The following PP2D1 variants were observed in gnomAD, a reference collection of about 807,000 sequenced individuals.
The protein encoded by PP2D1 is protein phosphatase 2C-like domain-containing protein 1.
Under a neutral mutation model 30.2 loss-of-function variants are expected in PP2D1, and 25 were observed. The ratio of observed to expected loss-of-function variants is 0.83; its 90% CI spans 0.60 to 1.16. PP2D1 has a LOEUF of 1.16. Ranked by LOEUF, PP2D1 falls within the 50% of genes most tolerant of loss-of-function variation. PP2D1 has a pLI of 0.00. For synonymous variants in PP2D1, 260 were observed against 258.9 expected, an observed-to-expected ratio of 1.00 and a Z score of -0.04; for missense variants, 760 against 742.4, an observed-to-expected ratio of 1.02 and a Z score of -0.28.
Position 20,001,054 on chromosome 3 carries a change from C to T in PP2D1, c.1066G>A (p.Gly356Arg), listed in dbSNP as rs1559498957. ...CCAGTGTTTGCAACATGTAATATTC[C>T]AGAAATTATTTTTGGCATCTCCTGG... ...PSQEMPKIIS[G>R]ILHVANTGNV... The change falls in exon 2 of 3, where the codon GGA becomes AGA. Residue 356 changes from glycine (G) to arginine (R), a missense_variant. By Grantham distance (125) the Gly-to-Arg change is moderately radical. Around this residue, in one of 3 missense-constraint regions of PP2D1, gnomAD observed 17 missense variants for 37.4 expected, o/e 0.45. Transcript: ENST00000389050. 2 of 1,393,488 alleles carry T rather than the reference C, an allele frequency of 1.4e-6. No homozygotes were observed. Among genetic ancestry groups the T allele is most frequent in the Admixed American group, 3.0e-5 (1 of 33,230 alleles). 86.3% of individuals were successfully genotyped at this position (1,393,488 alleles called of 1,614,324 possible).
Position 20,001,809 on chromosome 3 carries a change from G to A in PP2D1, c.311C>T (p.Ser104Leu). The A allele has an allele frequency of 6.5e-7, 1 of 1,535,164 alleles. No homozygotes were observed. Among genetic ancestry groups the A allele is most frequent in the Non-Finnish European group, 8.7e-7 (1 of 1,146,620 alleles). Residue 104 changes from serine to leucine, a missense_variant, in exon 2 of 3, where the codon TCA (serine) becomes TTA (leucine). By Grantham distance (145) the Ser-to-Leu change is moderately radical (BLOSUM62 -2). This residue lies in a region of PP2D1 where 374 missense variants were observed against 388.8 expected (regional missense o/e 0.96). Transcript: ENST00000389050. ...QWMGRKKPQPSVIAVQRQFMI... is the reference protein window; with the variant it reads ...QWMGRKKPQPLVIAVQRQFMI... ...GAACTGTCTCTGAACAGCAATCACT[G>A]AGGGCTGTGGTTTCTTTCTACCCAT...
chr3:19,985,336 T>C (rs1390193567), downstream of PP2D1: 1 of 1,290,440 alleles, frequency 7.7e-7, no homozygotes. Flanking sequence ...CATTGAAGAA[T>C]CACTTTATAT....
chr3:19,988,148 G>A (rs1697066759), intron 2 of PP2D1, among the ~76,000 whole-genome samples: 2 of 152,166 alleles, frequency 1.3e-5, no homozygotes, highest in East Asian at 1.9e-4. Context: ...GGATAACAGC[G>A]ATGTTCAGGG....
chr3:20,004,196 T>C (rs575056749), intron 1 of PP2D1, among the ~76,000 whole-genome samples: 2 of 152,300 alleles, frequency 1.3e-5, no homozygotes, highest in East Asian at 3.9e-4. Flanking sequence ...TGTGTTTAGG[T>C]ACACAAATAC....
downstream of PP2D1, among the ~76,000 whole-genome samples, chr3:19,981,478 G>A (rs1399641674): frequency 6.6e-6 from 1 of 152,068 alleles, no homozygotes; most frequent in African/African-American, 2.4e-5. Context: ...GCTGGGTGTG[G>A]TGGTATGTGC....
At chr3:20,005,968 C>T (rs950448974) in intron 1 of PP2D1, among the ~76,000 whole-genome samples, 8 of 151,846 alleles carry the variant, frequency 5.3e-5, no homozygotes, top group African/African-American at 1.7e-4. Flanking sequence ...CTTTTCTGGC[C>T]CTGTGCAGTG....
chr3:19,989,573 G>A (rs916552331), intron 2 of PP2D1, among the ~76,000 whole-genome samples: 1 of 152,148 alleles, frequency 6.6e-6, no homozygotes, highest in Non-Finnish European at 1.5e-5. Context: ...AGATTTTGCA[G>A]AACATAAGTC....
downstream of PP2D1, among the ~76,000 whole-genome samples, chr3:19,982,759 C>G (rs1326428801): frequency 7.3e-6 from 1 of 137,730 alleles, no homozygotes; most frequent in Non-Finnish European, 1.5e-5. Context: ...GAGACCTTGT[C>G]TCTTAAAAAA....
chr3:20,009,615 T>A (rs549704600), intron 1 of PP2D1, among the ~76,000 whole-genome samples: 1 of 152,268 alleles, frequency 6.6e-6, no homozygotes, highest in East Asian at 1.9e-4. Context: ...GCCAGTAGAA[T>A]TTGAATCCTG....
intron 2 of PP2D1, among the ~76,000 whole-genome samples, chr3:19,993,070 A>AGTGGGTAAAGTTGTGAAATG (rs1278983195): frequency 6.6e-6 from 1 of 152,154 alleles, no homozygotes; most frequent in African/African-American, 2.4e-5. Context: ...ATAGAGAAAT[A>AGTGGGTAAAGTTGTGAAATG]GTGGGTAAAG....
chr3:20,008,405 T>C (rs1305413033), intron 1 of PP2D1, among the ~76,000 whole-genome samples: 2 of 151,992 alleles, frequency 1.3e-5, no homozygotes, highest in East Asian at 3.9e-4. Context: ...CCGTCTCTAC[T>C]AAAAATACAA....
At chr3:19,991,545 G>A (rs1697119800) in intron 2 of PP2D1, among the ~76,000 whole-genome samples, 1 of 152,154 alleles carries the variant, frequency 6.6e-6, no homozygotes, top group Non-Finnish European at 1.5e-5. Flanking sequence ...GATGCACAAC[G>A]TTGCCAGGGG....
chr3:19,982,833 A>G (rs1201577493), downstream of PP2D1, among the ~76,000 whole-genome samples: 1 of 152,128 alleles, frequency 6.6e-6, no homozygotes, highest in Non-Finnish European at 1.5e-5. Context: ...CAGGAAGGAA[A>G]TAGTAGATAT....
intron 2 of PP2D1, among the ~76,000 whole-genome samples, chr3:19,992,754 C>G (rs988589916): frequency 6.6e-6 from 1 of 152,142 alleles, no homozygotes; most frequent in Non-Finnish European, 1.5e-5. Context: ...CTTTGATGAG[C>G]TTTAGTCTTC....
intron 2 of PP2D1, among the ~76,000 whole-genome samples, 163 bp from the exon 3 acceptor site, chr3:19,986,345 T>G (rs12496392): frequency 0.21 from 31,449 of 152,092 alleles, 3,925 homozygotes; most frequent in African/African-American, 0.35. Context: ...ACTGAATGAT[T>G]TACAGTAAAT....
At chr3:20,005,222 G>A (rs189474064) in intron 1 of PP2D1, among the ~76,000 whole-genome samples, 4 of 151,406 alleles carry the variant, frequency 2.6e-5, no homozygotes, top group Admixed American at 6.6e-5. Context: ...GCGCAATCTC[G>A]GCTCACCGCA....
At chr3:19,990,789 G>T (rs1181430593) in intron 2 of PP2D1, among the ~76,000 whole-genome samples, 14 of 141,020 alleles carry the variant, frequency 9.9e-5, no homozygotes, top group African/African-American at 2.9e-4. Context: ...TTGCTCTGTT[G>T]CCCAGGCTGG....
intron 2 of PP2D1, among the ~76,000 whole-genome samples, chr3:19,986,872 T>C (rs985608739): frequency 6.6e-6 from 1 of 151,926 alleles, no homozygotes; most frequent in Non-Finnish European, 1.5e-5. Flanking sequence ...CCATCTCTAC[T>C]AAAAATACAA....
At chr3:19,986,602 A>AT (rs1697039965) in intron 2 of PP2D1, among the ~76,000 whole-genome samples, 3 of 152,194 alleles carry the variant, frequency 2.0e-5, no homozygotes, top group Non-Finnish European at 1.5e-5. Context: ...ACAAACTTTG[A>AT]TTTTTTAAAA....
Sources: allele counts gnomAD v4.1 joint callset (sites outside exome capture counted in the v4.1 genomes callset), GRCh38; gene constraint gnomAD v4.1.1; regional missense constraint gnomAD v4.1.1; transcripts MANE v1.5; gene names NCBI Gene and HGNC (gene_info 2026-07-23, HGNC 2026-07-21).